Variants in HNF4G observed in about 807,000 individuals in gnomAD.
HNF4G encodes the protein hepatocyte nuclear factor 4 gamma, also known as hepatocyte nuclear factor 4-gamma.
HNF4G carries 21 observed loss-of-function variants against 50.9 expected under a neutral mutation model. The ratio of observed to expected loss-of-function variants is 0.41; its 90% CI spans 0.29 to 0.59. HNF4G has a LOEUF of 0.59. Ranked by LOEUF, HNF4G falls within the 20% of genes least tolerant of loss-of-function variation. The pLI is 0.26. For missense variants in HNF4G, 527 were observed against 559.4 expected (o/e 0.94, Z 0.58); for synonymous variants, 198 against 185.6 (o/e 1.07, Z -0.54).
At chr8:75,515,240 CTTTG>C (rs1465093838) in intron 2 of HNF4G, among the ~76,000 whole-genome samples, 4 of 152,048 alleles carry the variant, frequency 2.6e-5, no homozygotes, top group Admixed American at 6.5e-5. Flanking sequence ...TTTAAAATTA[CTTTG>C]TTTATTTTAG....
At chr8:75,491,176 A>G (rs1276583967) in intron 2 of HNF4G, among the ~76,000 whole-genome samples, 2 of 152,164 alleles carry the variant, frequency 1.3e-5, no homozygotes, top group African/African-American at 2.4e-5. Flanking sequence ...AATAGTAATA[A>G]CATCTATCCC....
chr8:75,467,106 T>C lies in HNF4G; in HGVS notation c.-143-22983T>C, dbSNP rs147833746. ...TTTTCAGTCTTACATAATCTTCCTATACATTCTCATTTGTTTTCTTGATGT... is the reference window on the plus strand; with the variant it reads ...TTTTCAGTCTTACATAATCTTCCTACACATTCTCATTTGTTTTCTTGATGT... On this transcript the variant is annotated intron_variant, in intron 1 of 10. Transcript: ENST00000354370. 3.9e-4 allele frequency among the ~76,000 whole-genome samples: 60 copies of C among 152,322 alleles called. 1 individual carries two copies. The highest frequency in any genetic ancestry group is 1.3e-3 in the African/African-American group (55 of 41,572).
At chr8:75,550,167 T>A (rs1806905997) in intron 3 of HNF4G, among the ~76,000 whole-genome samples, 1 of 152,154 alleles carries the variant, frequency 6.6e-6, no homozygotes, top group African/African-American at 2.4e-5. Context: ...GCCTTGTTGC[T>A]CCAGCAGAAC....
chr8:75,463,209 C>A (rs1311832666), intron 1 of HNF4G, among the ~76,000 whole-genome samples: 2 of 151,760 alleles, frequency 1.3e-5, no homozygotes, highest in African/African-American at 4.8e-5. Flanking sequence ...TATAGGTGTA[C>A]AACTAGTATT....
At chr8:75,559,799 G>A (rs1469817117) in intron 8 of HNF4G, among the ~76,000 whole-genome samples, 1 of 151,966 alleles carries the variant, frequency 6.6e-6, no homozygotes, top group Non-Finnish European at 1.5e-5. Flanking sequence ...AATGAACATT[G>A]TGCTCCTGAA....
chr8:75,511,573 T>C (rs1805751529), intron 2 of HNF4G, among the ~76,000 whole-genome samples: 2 of 152,248 alleles, frequency 1.3e-5, no homozygotes, highest in African/African-American at 4.8e-5. Context: ...TCTGCGTGTA[T>C]TTAGCGTGAC....
intron 1 of HNF4G, among the ~76,000 whole-genome samples, chr8:75,443,377 A>C (rs919989795): frequency 6.6e-6 from 1 of 152,226 alleles, no homozygotes; most frequent in African/African-American, 2.4e-5. Context: ...AAATGAGAAT[A>C]ACATTAGTAT....
chr8:75,506,527 A>G lies in HNF4G; in HGVS notation c.-24+16319A>G, dbSNP rs181790021. On this transcript the variant is annotated intron_variant, in intron 2 of 10. Coordinates refer to the HNF4G transcript ENST00000354370. Reference sequence around the variant, plus strand: ...CCTAATCAGAGAAAATAATTAACAAACCACCTCATTCTCATATCCCTGAAT... The same window carrying G: ...CCTAATCAGAGAAAATAATTAACAAGCCACCTCATTCTCATATCCCTGAAT... 4.0e-4 allele frequency among the ~76,000 whole-genome samples: 61 copies of G among 152,256 alleles called. 1 individual carries two copies. The highest frequency in any genetic ancestry group is 1.3e-3 in the African/African-American group (56 of 41,560).
intron 1 of HNF4G, among the ~76,000 whole-genome samples, chr8:75,422,376 A>G (rs1011954909): frequency 1.4e-4 from 22 of 152,204 alleles, no homozygotes; most frequent in African/African-American, 3.4e-4. Context: ...TTATATGATC[A>G]GGGCAGTGCT....
intron 1 of HNF4G, among the ~76,000 whole-genome samples, chr8:75,411,181 C>A (rs1451527186): frequency 2.0e-5 from 3 of 152,206 alleles, no homozygotes; most frequent in Non-Finnish European, 4.4e-5. Context: ...GTGAACGTAA[C>A]TATGGCTGCT....
chr8:75,430,497 AG>A (rs1810988265), intron 1 of HNF4G, among the ~76,000 whole-genome samples: 1 of 144,142 alleles, frequency 6.9e-6, no homozygotes, highest in African/African-American at 2.7e-5. Flanking sequence ...AGAGAGAGAG[AG>A]AGAGGGAGAG....
chr8:75,489,219 G>T (rs758137192), intron 1 of HNF4G, among the ~76,000 whole-genome samples: 6 of 152,162 alleles, frequency 3.9e-5, no homozygotes, highest in Admixed American at 6.5e-5. Flanking sequence ...GGCAGAATCT[G>T]TGCTGTGAAG....
intron 1 of HNF4G, among the ~76,000 whole-genome samples, chr8:75,411,695 C>T (rs563940475): frequency 1.2e-4 from 19 of 152,172 alleles, no homozygotes; most frequent in Non-Finnish European, 2.2e-4. Flanking sequence ...GGATGACTAG[C>T]TTCATGGGAA....
intron 2 of HNF4G, among the ~76,000 whole-genome samples, chr8:75,497,223 A>G (rs557864046): frequency 9.2e-5 from 14 of 152,266 alleles, no homozygotes; most frequent in African/African-American, 3.1e-4. Flanking sequence ...TTGGGTCATT[A>G]AAATACATTT....
intron 4 of HNF4G, 42 bp downstream of exon 4, chr8:75,551,536 C>G (rs1306005548): frequency 5.9e-6 from 7 of 1,178,876 alleles, no homozygotes; most frequent in Non-Finnish European, 8.9e-6. Flanking sequence ...TTAATAAAAT[C>G]AAATGTCCAT....
intron 9 of HNF4G, among the ~76,000 whole-genome samples, chr8:75,563,510 T>A (rs1032370809): frequency 2.6e-5 from 4 of 152,116 alleles, no homozygotes; most frequent in Non-Finnish European, 5.9e-5. Flanking sequence ...ATCTTAACCT[T>A]AATTTTTTAT....
At chr8:75,472,983 C>A (rs1467175929) in intron 1 of HNF4G, among the ~76,000 whole-genome samples, 1 of 152,016 alleles carries the variant, frequency 6.6e-6, no homozygotes, top group African/African-American at 2.4e-5. Context: ...CATTGTTGGG[C>A]AATGAAATAT....
intron 2 of HNF4G, among the ~76,000 whole-genome samples, chr8:75,499,062 C>A (rs1455482839): frequency 6.6e-6 from 1 of 151,876 alleles, no homozygotes; most frequent in African/African-American, 2.4e-5. Context: ...GAAAAGGTGT[C>A]CAGATTGGAA....
At chr8:75,454,130 C>G (rs1156577018) in intron 1 of HNF4G, among the ~76,000 whole-genome samples, 4 of 150,700 alleles carry the variant, frequency 2.7e-5, no homozygotes, top group Non-Finnish European at 5.9e-5. Flanking sequence ...CTCCTCTCCC[C>G]CACTCCACAT....
Sources: allele counts gnomAD v4.1 joint callset (sites outside exome capture counted in the v4.1 genomes callset), GRCh38; gene constraint gnomAD v4.1.1; transcripts MANE v1.5; gene names NCBI Gene and HGNC (gene_info 2026-07-23, HGNC 2026-07-21).